Variants in C1orf185 observed in about 807,000 individuals in gnomAD.
C1orf185 encodes the protein chromosome 1 open reading frame 185.
In C1orf185, 13 loss-of-function variants were observed where a neutral mutation model predicts 16.1. The ratio of observed to expected loss-of-function variants is 0.81; its 90% CI spans 0.53 to 1.28. The LOEUF (loss-of-function observed/expected upper bound fraction) is 1.28. Ranked by LOEUF, C1orf185 falls within the 50% of genes most tolerant of loss-of-function variation. The pLI is 0.00. For missense variants in C1orf185, 220 were observed against 225.2 expected, an observed-to-expected ratio of 0.98 and a Z score of 0.15; for synonymous variants, 80 against 76.9, an observed-to-expected ratio of 1.04 and a Z score of -0.21.
chr1:51,146,345 G>A (rs897389685), intron 4 of C1orf185, among the ~76,000 whole-genome samples: 2 of 151,780 alleles, frequency 1.3e-5, no homozygotes, highest in Admixed American at 1.3e-4. Context: ...TGTAATCCCA[G>A]CTACTTGGGA....
intron 2 of C1orf185, among the ~76,000 whole-genome samples, chr1:51,117,210 A>G (rs1392217082): frequency 1.3e-5 from 2 of 152,218 alleles, no homozygotes; most frequent in African/African-American, 4.8e-5. Context: ...GAATTCAATG[A>G]ATAAGTGAAT....
chr1:51,104,949 T>C (rs1646058036), intron 1 of C1orf185, among the ~76,000 whole-genome samples: 1 of 151,888 alleles, frequency 6.6e-6, no homozygotes, highest in Non-Finnish European at 1.5e-5. Flanking sequence ...TAATCGTGTG[T>C]TACTTTTCTT....
chr1:51,145,211 A>G (rs961316021), intron 3 of C1orf185, among the ~76,000 whole-genome samples: 2 of 152,076 alleles, frequency 1.3e-5, no homozygotes, highest in Admixed American at 1.3e-4. Flanking sequence ...AGGCTGAGAC[A>G]GGAAGATCGC....
intron 3 of C1orf185, among the ~76,000 whole-genome samples, chr1:51,129,116 C>A (rs1223133581): frequency 6.6e-6 from 1 of 152,088 alleles, no homozygotes; most frequent in Non-Finnish European, 1.5e-5. Flanking sequence ...AACTCCTGAC[C>A]TCAGGCGATC....
At chr1:51,152,064 T>C (rs748355492), downstream of C1orf185, among the ~76,000 whole-genome samples, 5 of 152,094 alleles carry the variant, frequency 3.3e-5, no homozygotes, top group Non-Finnish European at 7.4e-5. Context: ...GGTCAAGCAA[T>C]CTGCCTCAGC....
At chr1:51,137,131 C>A (rs571678901) in intron 3 of C1orf185, among the ~76,000 whole-genome samples, 1 of 152,172 alleles carries the variant, frequency 6.6e-6, no homozygotes, top group African/African-American at 2.4e-5. Flanking sequence ...AGAAGACATG[C>A]ATGTGGCCAT....
downstream of C1orf185, among the ~76,000 whole-genome samples, chr1:51,148,531 C>T (rs928684084): frequency 5.3e-5 from 8 of 152,142 alleles, no homozygotes; most frequent in African/African-American, 1.9e-4. Context: ...ATCAGTTTTT[C>T]TGAATTTAAA....
intron 3 of C1orf185, among the ~76,000 whole-genome samples, chr1:51,124,758 T>C (rs1220268657): frequency 1.3e-5 from 2 of 152,202 alleles, no homozygotes; most frequent in South Asian, 2.1e-4. Context: ...ACACTGGTGA[T>C]AGTGTCTTGT....
chr1:51,121,601 G>T (rs1646197836), intron 3 of C1orf185, among the ~76,000 whole-genome samples: 1 of 152,046 alleles, frequency 6.6e-6, no homozygotes. Context: ...TATTGTCCCT[G>T]TTTTTCTTAT....
downstream of C1orf185, among the ~76,000 whole-genome samples, chr1:51,148,268 C>T (rs571890276): frequency 1.7e-3 from 265 of 152,126 alleles, 1 homozygote; most frequent in African/African-American, 6.2e-3. Flanking sequence ...GGATTACAGG[C>T]GCCTACCACC....
chr1:51,140,324 CTCTT>C (rs77663627), intron 3 of C1orf185, among the ~76,000 whole-genome samples: 10,178 of 152,130 alleles, frequency 0.067, 388 homozygotes, highest in East Asian at 0.088. Flanking sequence ...ATTTTTTATT[CTCTT>C]TCTTTCAATG....
At position 51,147,883 on chromosome 1, in the gene C1orf185, T is replaced by G. The variant is rs1216434443; in HGVS notation, c.*112T>G. The G allele has an allele frequency of 2.0e-5, 19 of 968,830 alleles. No individual in the cohort carries two copies. In the East Asian group the frequency reaches 4.5e-4, roughly 23 times the overall value. 60.0% of individuals were successfully genotyped at this position (968,830 alleles called of 1,614,324 possible). On this transcript the variant is annotated 3_prime_UTR_variant, in exon 5 of 5. Coordinates refer to ENST00000371759, the MANE Select transcript of C1orf185 (RefSeq NM_001136508.2). ...GACTTTTTTCTTTTGAAACCTTGTA[T>G]ACAATCAGCTTCTGAGTCTCTTAAC...
intron 3 of C1orf185, among the ~76,000 whole-genome samples, chr1:51,128,984 A>C (rs56057001): frequency 0.016 from 2,398 of 152,054 alleles, 24 homozygotes; most frequent in Middle Eastern, 0.034. Context: ...TTCCTGGTTC[A>C]AGTGATTCTC....
intron 1 of C1orf185, among the ~76,000 whole-genome samples, chr1:51,109,023 T>C (rs540678996): frequency 1.3e-5 from 2 of 152,324 alleles, no homozygotes; most frequent in East Asian, 1.9e-4. Flanking sequence ...GGCTGTACTA[T>C]TTTGCATTCT....
At chr1:51,138,537 C>T (rs1042755036) in intron 3 of C1orf185, among the ~76,000 whole-genome samples, 29 of 151,592 alleles carry the variant, frequency 1.9e-4, no homozygotes, top group Non-Finnish European at 3.4e-4. Context: ...GGACTACAGG[C>T]GCCCGTCACC....
intron 2 of C1orf185, among the ~76,000 whole-genome samples, chr1:51,115,907 T>C (rs997820608): frequency 6.6e-6 from 1 of 152,100 alleles, no homozygotes; most frequent in Non-Finnish European, 1.5e-5. Flanking sequence ...TGGATGAAAA[T>C]GGCAGAGTTA....
At chr1:51,124,527 C>T (rs1192801535) in intron 3 of C1orf185, among the ~76,000 whole-genome samples, 1 of 152,192 alleles carries the variant, frequency 6.6e-6, no homozygotes, top group Non-Finnish European at 1.5e-5. Context: ...CTGCTCTTTG[C>T]AGATCAGGGC....
chr1:51,121,927 C>A (rs1182377746), intron 3 of C1orf185, among the ~76,000 whole-genome samples: 1 of 152,136 alleles, frequency 6.6e-6, no homozygotes, highest in African/African-American at 2.4e-5. Flanking sequence ...ACTAAAGGAA[C>A]CACTATCCTG....
chr1:51,147,983 A>G lies in C1orf185; in HGVS notation c.*212A>G. 2.3e-6 allele frequency: 1 copy of G among 442,740 alleles called. No homozygotes were observed. Among genetic ancestry groups the G allele is most frequent in the Admixed American group, 3.9e-5 (1 of 25,434 alleles). The allele number at this position is 442,740 out of a possible 1,614,324, so 27.4% of individuals were successfully genotyped here. ...ACTTCCCTTGCTGGTTCTTATTTCTAGAAACAAAATTAGGAAGAACTAGAG... is the reference window on the plus strand; with the variant it reads ...ACTTCCCTTGCTGGTTCTTATTTCTGGAAACAAAATTAGGAAGAACTAGAG... On this transcript the variant is annotated 3_prime_UTR_variant, in exon 5 of 5. Coordinates refer to ENST00000371759, the MANE Select transcript of C1orf185 (RefSeq NM_001136508.2).
Sources: allele counts gnomAD v4.1 joint callset (sites outside exome capture counted in the v4.1 genomes callset), GRCh38; gene constraint gnomAD v4.1.1; transcripts MANE v1.5; gene names NCBI Gene and HGNC (gene_info 2026-07-23, HGNC 2026-07-21).